CLDN14: variants seen among roughly 807,000 people sequenced by gnomAD.
CLDN14 encodes claudin 14, also known as claudin-14.
CLDN14 carries 2 observed loss-of-function variants against 2.1 expected under a neutral mutation model. The ratio of observed to expected loss-of-function variants is 0.96; its 90% CI spans 0.39 to 3.01. The LOEUF (loss-of-function observed/expected upper bound fraction) is 3.01. Ranked by LOEUF, CLDN14 falls within the 30% of genes most tolerant of loss-of-function variation. CLDN14 has a pLI of 0.09. For synonymous variants in CLDN14, 136 were observed against 154.4 expected (o/e 0.88, Z 0.88); for missense variants, 298 against 328.0 (o/e 0.91, Z 0.71).
At chr21:36,486,811 G>A (rs1236522415) in intron 2 of CLDN14, 1 of 737,814 alleles carries the variant, frequency 1.4e-6, no homozygotes, top group African/African-American at 1.7e-5. Flanking sequence ...GCGCTTCAGA[G>A]CCAGATGGGC....
upstream of CLDN14, among the ~76,000 whole-genome samples, chr21:36,482,371 CGGAT>C (rs59947271): frequency 0.014 from 1,866 of 137,108 alleles, 24 homozygotes; most frequent in African/African-American, 0.032. Flanking sequence ...GATAGACTGA[CGGAT>C]GGATGGATGG....
At chr21:36,486,885 G>T in intron 2 of CLDN14, 1 of 677,968 alleles carries the variant, frequency 1.5e-6, no homozygotes, top group Non-Finnish European at 2.8e-6. Flanking sequence ...GCTTGGACAG[G>T]ATGCGGCCGG....
At chr21:36,522,042 C>A (rs1300384153) in intron 1 of CLDN14, among the ~76,000 whole-genome samples, 2 of 152,156 alleles carry the variant, frequency 1.3e-5, no homozygotes, top group African/African-American at 4.8e-5. Context: ...TATGCCTTAA[C>A]TTTAAAAATA....
In CLDN14 at chr21:36,508,023, T is replaced by G. The variant is rs549678031; in HGVS notation, c.-82+2340A>C. Among the ~76,000 whole-genome samples the G allele has an allele frequency of 3.3e-5, 5 of 152,320 alleles. No individual in the cohort carries two copies. In the East Asian group the frequency reaches 9.6e-4, roughly 29 times the overall value. ...GTATACATGCACACACACATACATA[T>G]CACACTCTGTGCTCTCAGCCAGGGA... On this transcript the variant is annotated intron_variant, in intron 2 of 2. Coordinates refer to the CLDN14 transcript ENST00000342108.
chr21:36,476,098 T>C (rs531922459), intron 1 of CLDN14, among the ~76,000 whole-genome samples: 66 of 152,298 alleles, frequency 4.3e-4, no homozygotes, highest in Non-Finnish European at 1.3e-4. Flanking sequence ...CTTTGGGATC[T>C]CCTGAGATGG....
Position 36,486,314 on chromosome 21 carries a change from C to A in CLDN14, c.-82+24049G>T. The A allele has an allele frequency of 3.7e-6, 3 of 805,638 alleles. No homozygotes were observed. The South Asian group carries it at 4.2e-5, about 11-fold the overall frequency. 49.9% of individuals were successfully genotyped at this position (805,638 alleles called of 1,614,324 possible). ...GGCCAAACTCTTGTTGGCTAATGGT[C>A]ATCTTCAGCAGGACCTCGTCTGAGC... On this transcript the variant is annotated intron_variant, in intron 2 of 2. Transcript: ENST00000342108.
rs531830736 is a variant in CLDN14, at chr21:36,508,893, G to A, written c.-82+1470C>T. ...GACATTGTCCTGTGGGTTGGTAGGC[G>A]TCCTTAATTGTGGGGCTTTTGTTTT... On this transcript the variant is annotated intron_variant, in intron 2 of 2. Coordinates refer to the CLDN14 transcript ENST00000342108. 4.6e-5 allele frequency among the ~76,000 whole-genome samples: 7 copies of A among 152,286 alleles called. No homozygotes were observed. In the South Asian group the frequency reaches 6.2e-4, roughly 14 times the overall value.
At chr21:36,508,684 C>T (rs2087156345) in intron 2 of CLDN14, among the ~76,000 whole-genome samples, 1 of 152,204 alleles carries the variant, frequency 6.6e-6, no homozygotes, top group Non-Finnish European at 1.5e-5. Flanking sequence ...GAGGCCATTG[C>T]TCTTGGGAAG....
chr21:36,535,747 G>T (rs1014355530), intron 1 of CLDN14, among the ~76,000 whole-genome samples: 4 of 152,040 alleles, frequency 2.6e-5, no homozygotes, highest in African/African-American at 9.7e-5. Context: ...TTTTCTCTGT[G>T]GCCAACAATT....
At chr21:36,555,806 A>AGTGTGTGT (rs142473999) in intron 1 of CLDN14, among the ~76,000 whole-genome samples, 62 of 143,438 alleles carry the variant, frequency 4.3e-4, no homozygotes, top group Admixed American at 1.7e-3. Context: ...TCTATAGGTC[A>AGTGTGTGT]GTGTGTGTGT....
At chr21:36,492,712 T>A (rs1435171420) in intron 2 of CLDN14, among the ~76,000 whole-genome samples, 1 of 152,044 alleles carries the variant, frequency 6.6e-6, no homozygotes, top group Non-Finnish European at 1.5e-5. Flanking sequence ...AGGATAGGCA[T>A]GGAAGAAGGA....
At chr21:36,517,926 G>C (rs1181892139) in intron 1 of CLDN14, among the ~76,000 whole-genome samples, 3 of 152,160 alleles carry the variant, frequency 2.0e-5, no homozygotes, top group Non-Finnish European at 4.4e-5. Context: ...GAGCAAGAAA[G>C]ACTTCTGCCT....
intron 1 of CLDN14, among the ~76,000 whole-genome samples, chr21:36,465,188 G>T (rs1429787397): frequency 6.6e-6 from 1 of 152,140 alleles, no homozygotes; most frequent in East Asian, 1.9e-4. Context: ...CAAGGCTGAC[G>T]GCCACACAGG....
chr21:36,540,545 G>A (rs940686954), intron 1 of CLDN14, among the ~76,000 whole-genome samples: 5 of 152,098 alleles, frequency 3.3e-5, no homozygotes, highest in Admixed American at 2.0e-4. Context: ...GATATTGAAC[G>A]CTGGGCAGCA....
chr21:36,466,674 C>A (rs2086650057), intron 1 of CLDN14, among the ~76,000 whole-genome samples: 1 of 152,156 alleles, frequency 6.6e-6, no homozygotes, highest in Non-Finnish European at 1.5e-5. Context: ...TCTGCCCTGG[C>A]CCCTCTCAAA....
chr21:36,549,911 G>C (rs1030852227), intron 1 of CLDN14, among the ~76,000 whole-genome samples: 2 of 152,220 alleles, frequency 1.3e-5, no homozygotes, highest in African/African-American at 4.8e-5. Flanking sequence ...GATGACGCTT[G>C]AAAGCCCATT....
intron 1 of CLDN14, among the ~76,000 whole-genome samples, chr21:36,567,804 G>C (rs538813516): frequency 2.5e-3 from 374 of 152,148 alleles, no homozygotes; most frequent in Non-Finnish European, 3.9e-3. Context: ...GGGAAGGAGG[G>C]AAATCAATGC....
intron 2 of CLDN14, among the ~76,000 whole-genome samples, chr21:36,491,781 C>T (rs1483581678): frequency 6.6e-6 from 1 of 152,064 alleles, no homozygotes; most frequent in African/African-American, 2.4e-5. Flanking sequence ...GTACAGCTTT[C>T]CCAGTAAATA....
intron 2 of CLDN14, among the ~76,000 whole-genome samples, chr21:36,504,683 C>T (rs2087116271): frequency 2.0e-5 from 3 of 152,140 alleles, no homozygotes; most frequent in South Asian, 2.1e-4. Flanking sequence ...TTATCCACAT[C>T]CCCAAATTTC....
Sources: allele counts gnomAD v4.1 joint callset (sites outside exome capture counted in the v4.1 genomes callset), GRCh38; gene constraint gnomAD v4.1.1; transcripts MANE v1.5; gene names NCBI Gene and HGNC (gene_info 2026-07-23, HGNC 2026-07-21).